Variants in MECOM observed in about 807,000 individuals in gnomAD.
The protein encoded by MECOM is MDS1 and EVI1 complex locus.
A neutral mutation model predicts 116.3 loss-of-function variants in MECOM; 13 were observed. The ratio of observed to expected loss-of-function variants is 0.11; its 90% CI spans 0.07 to 0.18. The LOEUF (loss-of-function observed/expected upper bound fraction) is 0.18. Ranked by LOEUF, MECOM falls within the 10% of genes least tolerant of loss-of-function variation. The probability of loss-of-function intolerance (pLI) is 1.00; values close to 1 mark genes in which losing one functional copy is unlikely to be tolerated. For synonymous variants in MECOM, 528 were observed against 535.2 expected (o/e 0.99, Z 0.19); for missense variants, 1,299 against 1,509.0 (o/e 0.86, Z 2.31).
chr3:169,662,318 C>G (rs1776383859), intron 1 of MECOM, among the ~76,000 whole-genome samples: 1 of 152,188 alleles, frequency 6.6e-6, no homozygotes, highest in African/African-American at 2.4e-5. Context: ...GCTGCGCCCT[C>G]TCCGCGGCCC....
intron 2 of MECOM, among the ~76,000 whole-genome samples, chr3:169,165,769 C>A (rs927310028): frequency 6.6e-6 from 1 of 152,162 alleles, no homozygotes; most frequent in Non-Finnish European, 1.5e-5. Context: ...CTTCCTTCTA[C>A]ATTTTTCACT....
Position 169,568,413 on chromosome 3 carries a change from T to G in MECOM, c.37+94923A>C, listed in dbSNP as rs527808550. Among the ~76,000 whole-genome samples the G allele has an allele frequency of 5.9e-5, 9 of 151,388 alleles. No individual in the cohort carries two copies. In the South Asian group the frequency reaches 1.9e-3, roughly 32 times the overall value. On this transcript the variant is annotated intron_variant, in intron 1 of 16. Transcript: ENST00000651503. The stretch of plus-strand genomic sequence containing the variant: ...AAGGGGCTGAAGCCAGGGAGCCAAG[T>G]GGTCTGGCTCAGCAGATCCCACCCC...
At chr3:169,191,764 A>AAG (rs1306863974) in intron 2 of MECOM, among the ~76,000 whole-genome samples, 1 of 126,700 alleles carries the variant, frequency 7.9e-6, no homozygotes, top group African/African-American at 3.2e-5. Context: ...GAAAGAAAGA[A>AAG]AGAAAGAAAG....
chr3:169,130,414 A>G (rs1163629519), intron 4 of MECOM, among the ~76,000 whole-genome samples: 1 of 152,056 alleles, frequency 6.6e-6, no homozygotes, highest in African/African-American at 2.4e-5. Context: ...AGCTATTTGC[A>G]TGTCAGAGTT....
intron 2 of MECOM, among the ~76,000 whole-genome samples, chr3:169,185,858 T>C (rs1157542683): frequency 6.6e-6 from 1 of 152,228 alleles, no homozygotes; most frequent in Non-Finnish European, 1.5e-5. Context: ...TTCTTCTCTC[T>C]GCCCTCCCAC....
In MECOM at chr3:169,174,791, C is replaced by G. The variant is rs576511265; in HGVS notation, c.376-30959G>C. Among the ~76,000 whole-genome samples, 3 of 152,206 alleles carry G rather than the reference C, an allele frequency of 2.0e-5. No individual in the cohort carries two copies. The South Asian group carries it at 6.2e-4, about 32-fold the overall frequency. ...TGACACACAGCATTTTAAAATTAAACAGAAGAATATTCTGCTTCCTAGGGA... is the reference window on the plus strand; with the variant it reads ...TGACACACAGCATTTTAAAATTAAAGAGAAGAATATTCTGCTTCCTAGGGA... On this transcript the variant is annotated intron_variant, in intron 2 of 16. Transcript: ENST00000651503.
chr3:169,309,095 T>C lies in MECOM; in HGVS notation c.375+72092A>G, dbSNP rs116890492. 1.3e-3 allele frequency among the ~76,000 whole-genome samples: 205 copies of C among 152,272 alleles called. 5 individuals are homozygous for C. In the East Asian group the frequency reaches 0.038, roughly 29 times the overall value. Reference sequence around the variant, plus strand: ...AGAAGCCAAAAATAATATATTTTGCTGACGTTCAATGAAGACTACCAAAGG... The same window carrying C: ...AGAAGCCAAAAATAATATATTTTGCCGACGTTCAATGAAGACTACCAAAGG... On this transcript the variant is annotated intron_variant, in intron 2 of 16. Transcript: ENST00000651503.
intron 2 of MECOM, among the ~76,000 whole-genome samples, chr3:169,345,261 C>A (rs1055887686): frequency 6.6e-6 from 1 of 151,890 alleles, no homozygotes; most frequent in South Asian, 2.1e-4. Flanking sequence ...AACAAATATA[C>A]GATAAAAGAC....
At chr3:169,280,222 T>C (rs1047670161) in intron 2 of MECOM, among the ~76,000 whole-genome samples, 7 of 152,224 alleles carry the variant, frequency 4.6e-5, no homozygotes, top group Non-Finnish European at 1.0e-4. Flanking sequence ...CAAGATCAGC[T>C]AAATAAACTG....
chr3:169,449,547 TAA>T (rs1352791969), intron 1 of MECOM, among the ~76,000 whole-genome samples: 1 of 152,150 alleles, frequency 6.6e-6, no homozygotes, highest in Non-Finnish European at 1.5e-5. Flanking sequence ...GTGTTAGAAG[TAA>T]AGAGCCACGC....
At chr3:169,478,127 C>T (rs1750761685) in intron 1 of MECOM, among the ~76,000 whole-genome samples, 1 of 152,096 alleles carries the variant, frequency 6.6e-6, no homozygotes, top group Admixed American at 6.5e-5. Context: ...AGCCTGACAC[C>T]GTGGCATCTG....
At chr3:169,627,017 G>A (rs1223536543) in intron 1 of MECOM, among the ~76,000 whole-genome samples, 2 of 152,110 alleles carry the variant, frequency 1.3e-5, no homozygotes, top group Non-Finnish European at 2.9e-5. Flanking sequence ...TAAAATTGCT[G>A]ATGTTGGTCT....
At chr3:169,261,771 A>C (rs1218842407) in intron 2 of MECOM, among the ~76,000 whole-genome samples, 7 of 152,206 alleles carry the variant, frequency 4.6e-5, no homozygotes, top group African/African-American at 7.2e-5. Context: ...AGGAAGAAGA[A>C]GACGACAAAA....
chr3:169,529,891 C>T (rs907925799), intron 1 of MECOM, among the ~76,000 whole-genome samples: 6 of 152,128 alleles, frequency 3.9e-5, no homozygotes, highest in Non-Finnish European at 8.8e-5. Flanking sequence ...CTGTGTTGGG[C>T]ACTGGAGAGA....
chr3:169,143,585 T>C, intron 3 of MECOM, 113 bp downstream of exon 3: 2 of 981,666 alleles, frequency 2.0e-6, no homozygotes, highest in Non-Finnish European at 2.8e-6. Context: ...TCTTTCACAA[T>C]ATCAACAAAC....
intron 2 of MECOM, among the ~76,000 whole-genome samples, chr3:169,210,923 C>T (rs1435357024): frequency 1.3e-5 from 2 of 152,136 alleles, no homozygotes; most frequent in Non-Finnish European, 2.9e-5. Context: ...TCAGCACAAA[C>T]TCTAAGAGAT....
chr3:169,172,649 A>G (rs1357476911), intron 2 of MECOM, among the ~76,000 whole-genome samples: 1 of 152,198 alleles, frequency 6.6e-6, no homozygotes, highest in South Asian at 2.1e-4. Context: ...AGAGGAAAGA[A>G]TAAACCTGAG....
chr3:169,151,021 CA>C (rs898333805), intron 2 of MECOM, among the ~76,000 whole-genome samples: 2 of 152,268 alleles, frequency 1.3e-5, no homozygotes, highest in African/African-American at 4.8e-5. Context: ...TAAAATAAGT[CA>C]ATATATTAGT....
intron 1 of MECOM, among the ~76,000 whole-genome samples, chr3:169,530,800 A>G (rs1205108296): frequency 1.3e-5 from 2 of 152,298 alleles, no homozygotes; most frequent in East Asian, 3.9e-4. Flanking sequence ...GTTAAATGGT[A>G]TAATGTCCAT....
Sources: allele counts gnomAD v4.1 joint callset (sites outside exome capture counted in the v4.1 genomes callset), GRCh38; gene constraint gnomAD v4.1.1; transcripts MANE v1.5; gene names NCBI Gene and HGNC (gene_info 2026-07-23, HGNC 2026-07-21).